Variants in SYNE2 observed in about 807,000 individuals in gnomAD.
SYNE2 encodes the protein spectrin repeat containing nuclear envelope protein 2.
Under a neutral mutation model 856.3 loss-of-function variants are expected in SYNE2, and 431 were observed. That is an observed-to-expected ratio of 0.50 (90% CI 0.47 to 0.55). The LOEUF is 0.55. Ranked by LOEUF, SYNE2 falls within the 20% of genes least tolerant of loss-of-function variation. The pLI is 0.00. For synonymous variants in SYNE2, 2,923 were observed against 2,872.3 expected (o/e 1.02, Z -0.56); for missense variants, 8,129 against 8,023.2 (o/e 1.01, Z -0.50).
intron 84 of SYNE2, among the ~76,000 whole-genome samples, chr14:64,148,052 G>C (rs3866738): frequency 0.56 from 85,183 of 151,944 alleles, 25,007 homozygotes; most frequent in African/African-American, 0.76. Flanking sequence ...TGGCTCATGT[G>C]TATAATCCCA....
At chr14:63,802,766 G>A (rs1244560265) in intron 1 of SYNE2, among the ~76,000 whole-genome samples, 1 of 152,140 alleles carries the variant, frequency 6.6e-6, no homozygotes, top group African/African-American at 2.4e-5. Context: ...GTGGGTTCGT[G>A]GTCTCGCTGG....
At chr14:64,007,972 C>T (rs892392194) in intron 31 of SYNE2, among the ~76,000 whole-genome samples, 3 of 152,048 alleles carry the variant, frequency 2.0e-5, no homozygotes, top group South Asian at 2.1e-4. Context: ...ATAGCACCAC[C>T]GTACTTCAGA....
At chr14:64,205,906 C>T (rs1446398417) in intron 100 of SYNE2, among the ~76,000 whole-genome samples, 3 of 152,018 alleles carry the variant, frequency 2.0e-5, no homozygotes, top group Non-Finnish European at 4.4e-5. Flanking sequence ...TAGCCCCTGC[C>T]GTGGGCCAGT....
Position 64,053,336 on chromosome 14 carries a change from A to G in SYNE2, c.9423A>G (p.Val3141=), listed in dbSNP as rs764264319. The G allele has an allele frequency of 1.1e-5, 18 of 1,612,974 alleles. No individual in the cohort carries two copies. Among genetic ancestry groups the G allele is most frequent in the Admixed American group, 1.0e-4 (6 of 59,824 alleles). The change falls in exon 48 of 116, where the codon GTA becomes GTG. Residue 3141 remains valine (V), a synonymous_variant. Transcript: ENST00000555002. ...TATACAAAGTTCTCCAAAACATGGT[A>G]TTAGAACTCTCACCAAAAGAATTGG... ...DKLYKVLQNM[V]LELSPKELDE... is the part of the protein sequence containing the mutation.
intron 71 of SYNE2, among the ~76,000 whole-genome samples, chr14:64,126,007 G>T (rs1252925091): frequency 1.3e-5 from 2 of 152,184 alleles, no homozygotes; most frequent in Non-Finnish European, 2.9e-5. Context: ...AGTGGTAAAG[G>T]AGACAGTGTA....
At chr14:64,007,446 A>ACAGTACAGTCCGTTTATGCT (rs2096805298) in intron 31 of SYNE2, among the ~76,000 whole-genome samples, 1 of 152,178 alleles carries the variant, frequency 6.6e-6, no homozygotes, top group African/African-American at 2.4e-5. Context: ...TAACACATAC[A>ACAGTACAGTCCGTTTATGCT]CAGTACAGTC....
chr14:64,209,584 C>T lies in SYNE2; in HGVS notation c.18540+6C>T. ...AGGAACTGAAGAGGTTTGAGGTAAACACCTTCTCCATCCCGGTCTCCTGAT... is the reference window on the plus strand; with the variant it reads ...AGGAACTGAAGAGGTTTGAGGTAAATACCTTCTCCATCCCGGTCTCCTGAT... On this transcript the variant is annotated splice_donor_region_variant and intron_variant, in intron 102 of 115. Coordinates refer to ENST00000555002, the MANE Select transcript of SYNE2 (RefSeq NM_182914.3). The T allele has an allele frequency of 6.2e-7, 1 of 1,613,988 alleles. No individual in the cohort carries two copies. Among genetic ancestry groups the T allele is most frequent in the Non-Finnish European group, 8.5e-7 (1 of 1,180,044 alleles).
intron 1 of SYNE2, among the ~76,000 whole-genome samples, chr14:63,898,624 C>G (rs564563145): frequency 6.6e-6 from 1 of 151,902 alleles, no homozygotes. Context: ...AGGCTGGTCT[C>G]GAACTCCTGG....
chr14:63,792,039 T>A (rs919399519), intron 1 of SYNE2, among the ~76,000 whole-genome samples: 1 of 151,840 alleles, frequency 6.6e-6, no homozygotes, highest in African/African-American at 2.4e-5. Context: ...GCAGTAACAT[T>A]GGCACAGAGG....
chr14:63,990,580 A>G lies in SYNE2; in HGVS notation c.2472+11A>G, dbSNP rs1409093080. ...AAAGAGAAAGTCCAGGTCTCTCTTT[A>G]ATATTCCCTATTTAGTAATTCTGTT... On this transcript the variant is annotated intron_variant, in intron 20 of 115. Coordinates refer to ENST00000555002, the MANE Select transcript of SYNE2 (RefSeq NM_182914.3). 6.2e-6 allele frequency: 10 copies of G among 1,613,092 alleles called. No homozygotes were observed. Among genetic ancestry groups the G allele is most frequent in the Middle Eastern group, 1.7e-4 (1 of 5,976 alleles).
intron 1 of SYNE2, among the ~76,000 whole-genome samples, chr14:63,783,358 AC>A (rs1369563553): frequency 2.0e-5 from 3 of 151,850 alleles, no homozygotes; most frequent in Non-Finnish European, 4.4e-5. Flanking sequence ...TTTATAAATT[AC>A]CCAGTCTCGG....
intron 71 of SYNE2, 150 bp downstream of exon 71, chr14:64,125,360 G>C (rs1468848160): frequency 1.7e-6 from 2 of 1,193,236 alleles, no homozygotes; most frequent in Admixed American, 2.0e-5. Flanking sequence ...AATTGATCTT[G>C]CTTGCCAACT....
At chr14:63,871,108 A>G (rs1595335714) in intron 1 of SYNE2, among the ~76,000 whole-genome samples, 3 of 152,314 alleles carry the variant, frequency 2.0e-5, no homozygotes, top group Admixed American at 6.5e-5. Flanking sequence ...CCATTTATCA[A>G]TGCGGTTGCA....
chr14:64,097,816 G>T, intron 61 of SYNE2, 133 bp from the exon 62 acceptor site: 1 of 870,170 alleles, frequency 1.1e-6, no homozygotes. Context: ...TACCGTACCA[G>T]AGACTAGCTT....
intron 48 of SYNE2, 140 bp from the exon 49 acceptor site, chr14:64,055,804 A>T: frequency 1.7e-6 from 1 of 590,118 alleles, no homozygotes; most frequent in Non-Finnish European, 2.9e-6. Flanking sequence ...CATTGTGCAC[A>T]TGTACCCTAA....
Position 63,967,788 on chromosome 14 carries a change from A to T in SYNE2, c.1070A>T (p.Asp357Val), listed in dbSNP as rs2096414927. Residue 357 changes from aspartate to valine, a missense_variant, in exon 11 of 116, where the codon GAT (aspartate) becomes GTT (valine). Transcript: ENST00000555002. ...LDVLSIKRDL[D>V]ELDKDHLQLR... ...GTCCTGTCAATAAAACGGGATCTGGATGAGCTGGACAAGGATCATTTACAG... is the reference window on the plus strand; with the variant it reads ...GTCCTGTCAATAAAACGGGATCTGGTTGAGCTGGACAAGGATCATTTACAG... 2.0e-5 allele frequency: 33 copies of T among 1,614,166 alleles called. No homozygotes were observed. The highest frequency in any genetic ancestry group is 2.8e-5 in the Non-Finnish European group (33 of 1,179,980).
chr14:63,991,914 T>C (rs1173497230), intron 21 of SYNE2, among the ~76,000 whole-genome samples: 2 of 151,980 alleles, frequency 1.3e-5, no homozygotes, highest in African/African-American at 4.8e-5. Flanking sequence ...TATAGGAGTC[T>C]CTCTTCATTC....
At chr14:64,139,888 C>T (rs535923353) in intron 79 of SYNE2, 53 bp from the exon 80 acceptor site, 19 of 1,600,120 alleles carry the variant, frequency 1.2e-5, no homozygotes, top group African/African-American at 5.3e-5. Context: ...TGATGCATAT[C>T]ATTATCAGAA....
At chr14:64,222,200 G>T (rs1228183806) in intron 112 of SYNE2, among the ~76,000 whole-genome samples, 1 of 152,176 alleles carries the variant, frequency 6.6e-6, no homozygotes, top group Non-Finnish European at 1.5e-5. Context: ...CCATAAATCT[G>T]TATGTGGTTT....
Sources: allele counts gnomAD v4.1 joint callset (sites outside exome capture counted in the v4.1 genomes callset), GRCh38; gene constraint gnomAD v4.1.1; transcripts MANE v1.5; gene names NCBI Gene and HGNC (gene_info 2026-07-23, HGNC 2026-07-21).